Variants in NAV2 observed in about 807,000 individuals in gnomAD.
The protein encoded by NAV2 is neuron navigator 2, also known as helicase, APC down-regulated 1.
A neutral mutation model predicts 223.2 loss-of-function variants in NAV2; 54 were observed. That is an observed-to-expected ratio of 0.24 (90% CI 0.19 to 0.30). The LOEUF is 0.30. Ranked by LOEUF, NAV2 falls within the 10% of genes least tolerant of loss-of-function variation. NAV2 has a pLI of 1.00. For missense variants in NAV2, 2,806 were observed against 3,147.5 expected, an observed-to-expected ratio of 0.89 and a Z score of 2.60; for synonymous variants, 1,279 against 1,239.3, an observed-to-expected ratio of 1.03 and a Z score of -0.67.
At chr11:19,841,287 A>G (rs1354299893) in intron 2 of NAV2, among the ~76,000 whole-genome samples, 1 of 152,148 alleles carries the variant, frequency 6.6e-6, no homozygotes, top group Non-Finnish European at 1.5e-5. Flanking sequence ...TTGCTTCTTA[A>G]TTTTCACTTG....
intron 1 of NAV2, among the ~76,000 whole-genome samples, chr11:19,629,713 G>T (rs569342936): frequency 6.6e-6 from 1 of 152,178 alleles, no homozygotes; most frequent in South Asian, 2.1e-4. Context: ...GGGGAGAACA[G>T]ATCTTGTTAG....
chr11:19,788,299 C>T lies in NAV2; in HGVS notation c.268-44185C>T, dbSNP rs570232153. ...GTCTCCGTAAGTTTCCAGATGTCCC[C>T]GAGGGGGGAAAATTGCCCCAGTTGA... On this transcript the variant is annotated intron_variant, in intron 1 of 37. Coordinates refer to ENST00000349880, the MANE Select transcript of NAV2 (RefSeq NM_145117.5). Among the ~76,000 whole-genome samples the T allele has an allele frequency of 1.4e-4, 21 of 152,260 alleles. No homozygotes were observed. The South Asian group carries it at 3.3e-3, about 24-fold the overall frequency.
At chr11:20,094,002 A>G (rs1171520184) in intron 29 of NAV2, among the ~76,000 whole-genome samples, 1 of 152,150 alleles carries the variant, frequency 6.6e-6, no homozygotes, top group African/African-American at 2.4e-5. Context: ...TCAGACAGCT[A>G]GGGAACCCAC....
chr11:19,694,718 C>A (rs1251683314), intron 1 of NAV2, among the ~76,000 whole-genome samples: 1 of 152,128 alleles, frequency 6.6e-6, no homozygotes, highest in African/African-American at 2.4e-5. Context: ...AATTTTAGAG[C>A]CAGCTTGGTT....
chr11:19,850,602 G>A (rs1301877080), intron 3 of NAV2, among the ~76,000 whole-genome samples: 1 of 152,154 alleles, frequency 6.6e-6, no homozygotes, highest in Non-Finnish European at 1.5e-5. Flanking sequence ...TAGATATGTA[G>A]TGCTGTTCTA....
intron 1 of NAV2, among the ~76,000 whole-genome samples, chr11:19,439,574 T>G (rs1410194919): frequency 6.6e-6 from 1 of 152,248 alleles, no homozygotes; most frequent in Non-Finnish European, 1.5e-5. Flanking sequence ...ACAGAGAGGT[T>G]GCGAGCTGTG....
In NAV2 at chr11:19,634,096, G is replaced by A. The variant is rs141595606; in HGVS notation, c.76-198388G>A. On this transcript the variant is annotated intron_variant, in intron 1 of 37. Coordinates refer to the NAV2 transcript ENST00000360655. ...CACCTGTGTCCACAACATGCAGAGAGGCCAGAGCTCTGGCTTTGACACTGA... is the reference window on the plus strand; with the variant it reads ...CACCTGTGTCCACAACATGCAGAGAAGCCAGAGCTCTGGCTTTGACACTGA... Among the ~76,000 whole-genome samples the A allele has an allele frequency of 1.9e-3, 291 of 152,338 alleles. 1 individual carries two copies. Among genetic ancestry groups the A allele is most frequent in the African/African-American group, 6.8e-3 (284 of 41,574 alleles).
chr11:19,669,981 C>T (rs185445851), intron 1 of NAV2, among the ~76,000 whole-genome samples: 2 of 152,270 alleles, frequency 1.3e-5, no homozygotes, highest in Admixed American at 1.3e-4. Flanking sequence ...CAGGAAAAAG[C>T]CCTAATGCTT....
intron 23 of NAV2, 40 bp downstream of exon 23, chr11:20,077,675 T>C (rs2059846975): frequency 1.3e-6 from 2 of 1,483,056 alleles, no homozygotes; most frequent in Admixed American, 3.4e-5. Context: ...CTACTTGGAG[T>C]TAACAACAAA....
At position 20,120,051 on chromosome 11, in the gene NAV2, C is replaced by T. The variant is rs1010642910; in HGVS notation, c.*1793C>T. On this transcript the variant is annotated 3_prime_UTR_variant, in exon 38 of 38. Transcript: ENST00000349880. ...TTTGTTTCTGTTTTGTAAAGAGAAT[C>T]CTTATTGGACACCAGTGAAGGTGTC... 1 of 152,120 alleles carries T rather than the reference C, an allele frequency of 6.6e-6. No homozygotes were observed. Among genetic ancestry groups the T allele is most frequent in the South Asian group, 2.1e-4 (1 of 4,828 alleles). 9.4% of individuals were successfully genotyped at this position (152,120 alleles called of 1,614,324 possible). A position where few individuals can be genotyped will look rare whatever the true frequency, so the allele number is the denominator to read the frequency against.
intron 1 of NAV2, among the ~76,000 whole-genome samples, chr11:19,790,853 G>A (rs914198897): frequency 5.9e-5 from 9 of 151,988 alleles, no homozygotes; most frequent in African/African-American, 1.9e-4. Flanking sequence ...CACTTCCAGG[G>A]AAGAACTGCA....
At chr11:19,541,229 GT>G (rs2044332652) in intron 1 of NAV2, among the ~76,000 whole-genome samples, 1 of 152,206 alleles carries the variant, frequency 6.6e-6, no homozygotes, top group Non-Finnish European at 1.5e-5. Context: ...TGGATTTGGG[GT>G]GGTGGCAAGG....
chr11:19,713,639 GT>G lies in NAV2; in HGVS notation c.-56del. The G allele has an allele frequency of 6.7e-7, 1 of 1,494,866 alleles. No homozygotes were observed. The highest frequency in any genetic ancestry group is 8.9e-7 in the Non-Finnish European group (1 of 1,121,892). The allele number at this position is 1,494,866 out of a possible 1,614,324, so 92.6% of individuals were successfully genotyped here. On this transcript the variant is annotated 5_prime_UTR_variant, in exon 1 of 38. Transcript: ENST00000349880. This position sits in a 1 kb window ranked among gnomAD's most constrained non-coding sequence, Gnocchi z 7.2. ...TCTGCTACCCGCGCTGCCTTTAGCG[GT>G]CGCCCCCGCCGCCGCTGCCAGGGAC...
At position 19,418,114 on chromosome 11, in the gene NAV2, A is replaced by G. The variant is rs191728326; in HGVS notation, c.75+67087A>G. Among the ~76,000 whole-genome samples the G allele has an allele frequency of 5.3e-5, 8 of 152,332 alleles. No homozygotes were observed. The East Asian group carries it at 1.2e-3, about 22-fold the overall frequency. On this transcript the variant is annotated intron_variant, in intron 1 of 37. Coordinates refer to the NAV2 transcript ENST00000360655. ...GCACATGTATCTCAGAACTCAAATT[A>G]TGAAAAACAACAAAACAAAAGGGTG...
At chr11:19,883,260 A>C (rs1401639451) in intron 5 of NAV2, among the ~76,000 whole-genome samples, 1 of 152,248 alleles carries the variant, frequency 6.6e-6, no homozygotes, top group African/African-American at 2.4e-5. Flanking sequence ...GGAAGTTGGC[A>C]AAGAAAATCT....
chr11:19,547,701 C>T (rs1006507064), intron 1 of NAV2, among the ~76,000 whole-genome samples: 2 of 152,174 alleles, frequency 1.3e-5, no homozygotes, highest in African/African-American at 4.8e-5. Flanking sequence ...GTAGGACCCC[C>T]TCTCTTCCAT....
chr11:19,730,164 GTCCTC>G (rs1309135513), intron 1 of NAV2, among the ~76,000 whole-genome samples: 4 of 152,172 alleles, frequency 2.6e-5, no homozygotes, highest in Non-Finnish European at 5.9e-5. Context: ...TTGATTCTTG[GTCCTC>G]AGGTGCAAGT....
intron 1 of NAV2, chr11:19,506,474 A>G (rs1367481661): frequency 6.6e-6 from 1 of 152,200 alleles, no homozygotes; most frequent in African/African-American, 2.4e-5. Context: ...AAGTCACTGA[A>G]TCTCTCTGAG....
In NAV2 at chr11:19,586,194, G is replaced by A. The variant is rs190171951; in HGVS notation, c.75+235167G>A. On this transcript the variant is annotated intron_variant, in intron 1 of 37. Transcript: ENST00000360655. The stretch of plus-strand genomic sequence containing the variant: ...ATCAGCTACTGCGGCTTGTGCATTC[G>A]TCGCATAGTTCTTGTGCCATGGTTT... Among the ~76,000 whole-genome samples, 357 of 152,078 alleles carry A rather than the reference G, an allele frequency of 2.3e-3. 1 individual carries two copies. Among genetic ancestry groups the A allele is most frequent in the African/African-American group, 8.3e-3 (343 of 41,456 alleles).
Sources: allele counts gnomAD v4.1 joint callset (sites outside exome capture counted in the v4.1 genomes callset), GRCh38; gene constraint gnomAD v4.1.1; non-coding constraint Gnocchi (gnomAD v3.1); transcripts MANE v1.5; gene names NCBI Gene and HGNC (gene_info 2026-07-23, HGNC 2026-07-21).